KANK2: variants seen among roughly 807,000 people sequenced by gnomAD.
The protein encoded by KANK2 is KN motif and ankyrin repeat domain-containing protein 2.
A neutral mutation model predicts 74.6 loss-of-function variants in KANK2; 41 were observed. That is an observed-to-expected ratio of 0.55 (90% CI 0.43 to 0.71). The LOEUF (loss-of-function observed/expected upper bound fraction) is 0.71. Ranked by LOEUF, KANK2 falls within the 30% of genes least tolerant of loss-of-function variation. KANK2 has a pLI of 0.00. For synonymous variants in KANK2, 537 were observed against 519.0 expected, an observed-to-expected ratio of 1.03 and a Z score of -0.47; for missense variants, 1,148 against 1,196.4, an observed-to-expected ratio of 0.96 and a Z score of 0.60.
chr19:11,178,341 T>C lies in KANK2; in HGVS notation c.1520+4A>G. ...GGGTGGGGGGTGGGGTCTTCTCCTC[T>C]CACCCGCCGTTGACCCCCACGAACT... On this transcript the variant is annotated splice_donor_region_variant and intron_variant, in intron 6 of 12. Coordinates refer to ENST00000586659, the MANE Select transcript of KANK2 (RefSeq NM_001136191.3). 1.3e-6 allele frequency: 2 copies of C among 1,504,994 alleles called. No individual in the cohort carries two copies. The highest frequency in any genetic ancestry group is 1.3e-5 in the South Asian group (1 of 74,090). 93.2% of individuals were successfully genotyped at this position (1,504,994 alleles called of 1,614,324 possible). A position where few individuals can be genotyped will look rare whatever the true frequency, so the allele number is the denominator to read the frequency against.
chr19:11,185,750 A>G (rs2078656191), intron 4 of KANK2, among the ~76,000 whole-genome samples: 2 of 151,404 alleles, frequency 1.3e-5, no homozygotes, highest in Admixed American at 6.6e-5. Context: ...GCCAATGAAA[A>G]CAATAAGGAG....
At chr19:11,181,236 TTTATTA>T (rs200654235) in intron 4 of KANK2, among the ~76,000 whole-genome samples, 12,625 of 148,020 alleles carry the variant, frequency 0.085, 641 homozygotes, top group African/African-American at 0.12. Context: ...GTTGTCAAGA[TTTATTA>T]TTATTATTAT....
chr19:11,172,596 G>C (rs2078209002), intron 10 of KANK2, among the ~76,000 whole-genome samples: 1 of 152,132 alleles, frequency 6.6e-6, no homozygotes, highest in Non-Finnish European at 1.5e-5. Context: ...AATTCCCCTG[G>C]CGGTTTCCTG....
intron 4 of KANK2, among the ~76,000 whole-genome samples, chr19:11,188,515 C>T (rs866960869): frequency 2.8e-4 from 38 of 133,344 alleles, no homozygotes; most frequent in African/African-American, 6.0e-4. Context: ...CATGTAAATT[C>T]TTTTTTTTTT....
chr19:11,178,796 TG>T, intron 4 of KANK2, 76 bp from the exon 5 acceptor site: 1 of 1,360,128 alleles, frequency 7.4e-7, no homozygotes, highest in South Asian at 1.6e-5. Flanking sequence ...TCATACACCC[TG>T]GGCCAGGAGC....
intron 1 of KANK2, 58 bp downstream of exon 1, chr19:11,197,427 T>C (rs2079055970): frequency 6.7e-6 from 1 of 149,904 alleles, no homozygotes; most frequent in African/African-American, 2.5e-5. Flanking sequence ...GTGGAGGGGG[T>C]GCACACTCGA....
intron 4 of KANK2, among the ~76,000 whole-genome samples, chr19:11,191,046 TATTA>T (rs760591905): frequency 7.4e-4 from 106 of 143,978 alleles, no homozygotes; most frequent in Admixed American, 1.9e-3. Context: ...TCATTATTAT[TATTA>T]ATTATTTTGA....
At chr19:11,194,116 G>A in intron 3 of KANK2, 74 bp from the exon 4 acceptor site, 1 of 1,471,852 alleles carries the variant, frequency 6.8e-7, no homozygotes, top group Non-Finnish European at 9.1e-7. Context: ...GATGCCTGGG[G>A]AGAGTTGGGG....
Position 11,193,224 on chromosome 19 carries a change from C to T in KANK2, c.856G>A (p.Ala286Thr), listed in dbSNP as rs374427245. 1.1e-5 allele frequency: 18 copies of T among 1,609,428 alleles called. No homozygotes were observed. Among genetic ancestry groups the T allele is most frequent in the East Asian group, 2.2e-5 (1 of 44,878 alleles). The change falls in exon 4 of 13, where the codon GCC becomes ACC. Residue 286 changes from alanine (A) to threonine (T), a missense_variant. Ala to Thr is a moderately conservative substitution (Grantham distance 58). Transcript: ENST00000586659. This position sits in a 1 kb window ranked among gnomAD's most constrained non-coding sequence, Gnocchi z 9.6. ...GTCTCCAGCACAGCGACCTTGGCGG[C>T]GAGGGCAGCCTCCCCATCAGGCATG... is the stretch of plus-strand genomic sequence containing the variant. ...LGMPDGEAAL[A>T]AKVAVLETQL...
At chr19:11,183,514 A>G (rs1220020647) in intron 4 of KANK2, among the ~76,000 whole-genome samples, 1 of 152,216 alleles carries the variant, frequency 6.6e-6, no homozygotes, top group African/African-American at 2.4e-5. Flanking sequence ...CCAGTGACAC[A>G]GTCTCACTCT....
rs555447584 is a variant in KANK2, at chr19:11,189,345, A to C, written c.1249+3486T>G. 5.3e-5 allele frequency among the ~76,000 whole-genome samples: 8 copies of C among 152,076 alleles called. No individual in the cohort carries two copies. In the South Asian group the frequency reaches 6.2e-4, roughly 12 times the overall value. On this transcript the variant is annotated intron_variant, in intron 4 of 12. Transcript: ENST00000586659. Reference sequence around the variant, plus strand: ...CAAATGAGGAAACTGAGGCATAGAGAGATTTCATCGCTTGCTCAAAGGCCG... The same window carrying C: ...CAAATGAGGAAACTGAGGCATAGAGCGATTTCATCGCTTGCTCAAAGGCCG...
intron 4 of KANK2, among the ~76,000 whole-genome samples, chr19:11,190,410 G>C (rs767747467): frequency 6.6e-6 from 1 of 152,114 alleles, no homozygotes; most frequent in Non-Finnish European, 1.5e-5. Flanking sequence ...TTACAGGCCT[G>C]ATGTTCTGGG....
chr19:11,178,298 G>A, intron 6 of KANK2, 47 bp downstream of exon 6: 1 of 1,094,282 alleles, frequency 9.1e-7, no homozygotes, highest in Non-Finnish European at 1.2e-6. Flanking sequence ...GATGAATGGA[G>A]GAGGGGCGGG....
chr19:11,190,106 C>T (rs11882817), intron 4 of KANK2, among the ~76,000 whole-genome samples: 1 of 151,470 alleles, frequency 6.6e-6, no homozygotes, highest in Non-Finnish European at 1.5e-5. Context: ...GCTGCAGATT[C>T]AAGCTGTCCT....
chr19:11,191,105 A>T (rs1414330140), intron 4 of KANK2, among the ~76,000 whole-genome samples: 4 of 151,010 alleles, frequency 2.6e-5, no homozygotes, highest in African/African-American at 9.8e-5. Context: ...CAGTGGTGTG[A>T]TCTTGGCTCA....
In KANK2 at chr19:11,178,386, C is replaced by T. The variant is rs200778675; in HGVS notation, c.1479G>A (p.Thr493=). ...CGAACTGGAGGCTCCTCCGGTGGGC[C>T]GTGGGGTCTGCAACCTCCTCTTTCC... The part of the protein sequence containing the change: ...MKRKEEVADP[T]AHRRSLQFVG... The change falls in exon 6 of 13, where the codon ACG becomes ACA. Residue 493 remains threonine, a synonymous_variant. Coordinates refer to ENST00000586659, the MANE Select transcript of KANK2 (RefSeq NM_001136191.3). 75 of 1,561,672 alleles carry T rather than the reference C, an allele frequency of 4.8e-5. No homozygotes were observed. In the South Asian group the frequency reaches 7.4e-4, roughly 15 times the overall value.
At chr19:11,174,959 T>C (rs79218748) in intron 8 of KANK2, among the ~76,000 whole-genome samples, 1,446 of 117,712 alleles carry the variant, frequency 0.012, 15 homozygotes, top group African/African-American at 0.061. Context: ...CTCTCTCTCT[T>C]TTTTTTTTTT....
In KANK2 at chr19:11,193,338, G is replaced by A. The variant is rs916221086; in HGVS notation, c.742C>T (p.Leu248Phe). The A allele has an allele frequency of 3.1e-6, 5 of 1,612,552 alleles. No individual in the cohort carries two copies. The highest frequency in any genetic ancestry group is 4.2e-6 in the Non-Finnish European group (5 of 1,179,950). ...HPTAGRGRSE[L>F]CLDLPDPPED... The stretch of plus-strand genomic sequence containing the variant: ...GGGGGATCGGGGAGGTCCAGGCAGA[G>A]CTCGCTGCGACCCCGGCCCGCTGTG... Residue 248 changes from leucine to phenylalanine, a missense_variant, in exon 4 of 13, where the codon CTC (leucine) becomes TTC (phenylalanine). By Grantham distance (22) the Leu-to-Phe change is conservative (BLOSUM62 0). Coordinates refer to ENST00000586659, the MANE Select transcript of KANK2 (RefSeq NM_001136191.3). The surrounding 1 kb of genome is among the most constrained non-coding windows in gnomAD (Gnocchi z 9.6).
chr19:11,189,062 G>C (rs149153478), intron 4 of KANK2, among the ~76,000 whole-genome samples: 1 of 151,220 alleles, frequency 6.6e-6, no homozygotes, highest in Non-Finnish European at 1.5e-5. Context: ...AACCATGCCT[G>C]GTACCATGAT....
Sources: allele counts gnomAD v4.1 joint callset (sites outside exome capture counted in the v4.1 genomes callset), GRCh38; gene constraint gnomAD v4.1.1; non-coding constraint Gnocchi (gnomAD v3.1); transcripts MANE v1.5; gene names NCBI Gene and HGNC (gene_info 2026-07-23, HGNC 2026-07-21).